Variants in ANO2 observed in about 807,000 individuals in gnomAD.
ANO2 encodes the protein anoctamin-2.
In ANO2, 101 loss-of-function variants were observed where a neutral mutation model predicts 124.2. That is an observed-to-expected ratio of 0.81 (90% CI 0.69 to 0.96). The LOEUF is 0.96. Ranked by LOEUF, ANO2 falls within the 40% of genes least tolerant of loss-of-function variation. The pLI, the probability that ANO2 is intolerant of heterozygous loss-of-function variation, is 0.00. For synonymous variants in ANO2, 486 were observed against 482.5 expected (o/e 1.01, Z -0.09); for missense variants, 1,293 against 1,274.5 (o/e 1.01, Z -0.22).
intron 4 of ANO2, among the ~76,000 whole-genome samples, chr12:5,844,226 G>C (rs902435575): frequency 6.6e-6 from 1 of 152,170 alleles, no homozygotes; most frequent in African/African-American, 2.4e-5. Context: ...GCTTGGACGA[G>C]AGTCTAAATC....
At chr12:5,913,652 C>T (rs756253341) in intron 3 of ANO2, among the ~76,000 whole-genome samples, 2 of 152,204 alleles carry the variant, frequency 1.3e-5, no homozygotes, top group Non-Finnish European at 2.9e-5. Flanking sequence ...CCCAGCAGGA[C>T]CCCTTAGTGG....
rs1044240672 is a variant in ANO2 at position 5,670,095 on chromosome 12, C to T, written c.1546-22294G>A. On this transcript the variant is annotated intron_variant, in intron 14 of 24. Transcript: ENST00000682330. The stretch of plus-strand genomic sequence containing the variant: ...AGCAGAGCATACCGCCAAGAGCACA[C>T]GTGTGGGATTTGGAAACCATGGTTC... Among the ~76,000 whole-genome samples, 36 of 152,076 alleles carry T rather than the reference C, an allele frequency of 2.4e-4. 1 individual carries two copies. Among genetic ancestry groups the T allele is most frequent in the Admixed American group, 2.2e-3 (33 of 15,268 alleles).
chr12:5,922,606 C>CCCCCCCG lies in ANO2; in HGVS notation c.207+13_207+14insCGGGGGG. The CCCCCCCG allele has an allele frequency of 3.3e-6, 5 of 1,523,474 alleles. No homozygotes were observed. The highest frequency in any genetic ancestry group is 2.5e-5 in the East Asian group (1 of 40,254). The allele number at this position is 1,523,474 out of a possible 1,614,324, so 94.4% of individuals were successfully genotyped here. Reference sequence around the variant, plus strand: ...CTGGCCTATCCCCCCACCCCACCCCCGCCCAGTACTCACAGAGCTGCTGCG... The same window carrying CCCCCCCG: ...CTGGCCTATCCCCCCACCCCACCCCCCCCCCCGGCCCAGTACTCACAGAGCTGCTGCG... On this transcript the variant is annotated intron_variant, in intron 2 of 24. Coordinates refer to ENST00000682330, the MANE Select transcript of ANO2 (RefSeq NM_001364791.2).
At chr12:5,722,234 CG>C (rs2137053436) in intron 14 of ANO2, among the ~76,000 whole-genome samples, 1 of 152,252 alleles carries the variant, frequency 6.6e-6, no homozygotes, top group East Asian at 1.9e-4. Flanking sequence ...TGGCCGGGCA[CG>C]GGGGCTCACG....
At position 5,612,719 on chromosome 12, in the gene ANO2, T is replaced by C. The variant is rs1216201344; in HGVS notation, c.2024A>G (p.Gln675Arg). The change falls in exon 19 of 25, where the codon CAG (glutamine) becomes CGG (arginine). Residue 675 changes from glutamine to arginine, a missense_variant. Coordinates refer to ENST00000682330, the MANE Select transcript of ANO2 (RefSeq NM_001364791.2). Reference protein sequence around the residue: ...PGGCLMELCIQLSIIMLGKQL... With the variant: ...PGGCLMELCIRLSIIMLGKQL... Reference sequence around the variant, plus strand: ...CTTCCCCAACATGATGATGCTGAGCTGAATGCAGAGCTCCATGAGACAGCC... The same window carrying C: ...CTTCCCCAACATGATGATGCTGAGCCGAATGCAGAGCTCCATGAGACAGCC... 1.9e-6 allele frequency: 3 copies of C among 1,613,864 alleles called. No individual in the cohort carries two copies. Among genetic ancestry groups the C allele is most frequent in the Non-Finnish European group, 2.5e-6 (3 of 1,179,862 alleles).
intron 20 of ANO2, among the ~76,000 whole-genome samples, chr12:5,588,945 G>A (rs1418399223): frequency 1.3e-5 from 2 of 152,100 alleles, no homozygotes; most frequent in Admixed American, 6.5e-5. Flanking sequence ...ATCTGCACCC[G>A]AGTCTCACCT....
intron 23 of ANO2, among the ~76,000 whole-genome samples, chr12:5,571,306 G>A (rs1942100980): frequency 6.6e-6 from 1 of 152,218 alleles, no homozygotes. Flanking sequence ...GCAGATTGAT[G>A]TCACGGGACT....
chr12:5,575,371 C>G (rs551086935), intron 23 of ANO2, among the ~76,000 whole-genome samples: 1 of 152,310 alleles, frequency 6.6e-6, no homozygotes, highest in South Asian at 2.1e-4. Flanking sequence ...TGATTTATAA[C>G]AACTGCAGAG....
At chr12:5,765,624 T>C (rs1306830196) in intron 10 of ANO2, among the ~76,000 whole-genome samples, 7 of 152,210 alleles carry the variant, frequency 4.6e-5, no homozygotes, top group Admixed American at 1.3e-4. Context: ...ATTTTTCCCA[T>C]TTAAAACCAC....
intron 19 of ANO2, among the ~76,000 whole-genome samples, chr12:5,604,602 CAG>C (rs779673701): frequency 3.9e-5 from 6 of 152,138 alleles, no homozygotes; most frequent in South Asian, 4.1e-4. Context: ...AGGGAAGACA[CAG>C]GGGCTACGGG....
At chr12:5,829,887 T>G (rs1379413990) in intron 6 of ANO2, among the ~76,000 whole-genome samples, 1 of 152,198 alleles carries the variant, frequency 6.6e-6, no homozygotes, top group East Asian at 1.9e-4. Flanking sequence ...AGCGTTGGCT[T>G]TCTATTGAAT....
At chr12:5,909,768 G>A (rs1940935129) in intron 3 of ANO2, among the ~76,000 whole-genome samples, 1 of 152,160 alleles carries the variant, frequency 6.6e-6, no homozygotes, top group South Asian at 2.1e-4. Flanking sequence ...GCAGGCGGTG[G>A]GCGTTCCTAT....
intron 4 of ANO2, among the ~76,000 whole-genome samples, chr12:5,853,378 T>C (rs1954983713): frequency 6.6e-6 from 1 of 151,702 alleles, no homozygotes; most frequent in African/African-American, 2.4e-5. Flanking sequence ...TCATCTAAAC[T>C]GTGTGGCTGT....
intron 8 of ANO2, 67 bp downstream of exon 8, chr12:5,807,246 A>G: frequency 1.4e-6 from 2 of 1,395,782 alleles, no homozygotes; most frequent in Non-Finnish European, 2.0e-6. Context: ...TCTCACTGCC[A>G]CTGAAAAGTT....
intron 20 of ANO2, among the ~76,000 whole-genome samples, chr12:5,582,672 G>C (rs1372296318): frequency 6.6e-6 from 1 of 152,150 alleles, no homozygotes; most frequent in African/African-American, 2.4e-5. Context: ...TCTGTGCTAA[G>C]GGCAAATATT....
At chr12:5,617,373 C>T (rs1565481041) in intron 16 of ANO2, among the ~76,000 whole-genome samples, 3 of 152,212 alleles carry the variant, frequency 2.0e-5, no homozygotes, top group South Asian at 2.1e-4. Flanking sequence ...GTGCCACACT[C>T]TGCAGATCAC....
chr12:5,650,263 T>C (rs1473214150), intron 14 of ANO2, among the ~76,000 whole-genome samples: 2 of 152,204 alleles, frequency 1.3e-5, no homozygotes, highest in African/African-American at 4.8e-5. Flanking sequence ...ATTAGGAAGG[T>C]GGCATTACTA....
intron 10 of ANO2, among the ~76,000 whole-genome samples, chr12:5,796,178 C>T (rs532135591): frequency 6.6e-6 from 1 of 151,724 alleles, no homozygotes; most frequent in South Asian, 2.1e-4. Context: ...CATACACACT[C>T]ATGCACACAC....
At chr12:5,709,883 A>G (rs1178196215) in intron 14 of ANO2, among the ~76,000 whole-genome samples, 1 of 152,170 alleles carries the variant, frequency 6.6e-6, no homozygotes. Flanking sequence ...GCGCTGGGAG[A>G]TGGCCCAGGG....
Sources: gnomAD v4.1 joint callset for allele counts (sites outside exome capture counted in the v4.1 genomes callset) on GRCh38, gnomAD v4.1.1 for gene constraint, MANE v1.5 for transcripts, NCBI Gene and HGNC (gene_info 2026-07-23, HGNC 2026-07-21) for gene names.